CREB5: variants seen among roughly 807,000 people sequenced by gnomAD.
The protein encoded by CREB5 is cAMP responsive element binding protein 5.
In CREB5, 19 loss-of-function variants were observed where a neutral mutation model predicts 57.1. The observed-to-expected ratio is 0.33, with a 90% CI of 0.23 to 0.49. The LOEUF is 0.49. CREB5 is among the 20% of genes least tolerant of loss of function. The pLI is 0.99. For missense variants in CREB5, 579 were observed against 671.6 expected, an observed-to-expected ratio of 0.86 and a Z score of 1.52; for synonymous variants, 238 against 238.3, an observed-to-expected ratio of 1.00 and a Z score of 0.01.
Position 28,724,302 on chromosome 7 carries a change from G to T in CREB5, c.672G>T (p.Gln224His), listed in dbSNP as rs371517780. ...PNLSNPCASPQVQPMHSEAKM... is the reference protein window; with the variant it reads ...PNLSNPCASPHVQPMHSEAKM... The stretch of plus-strand genomic sequence containing the variant: ...TCAGCAACCCCTGTGCTTCTCCCCA[G>T]GTCCAGCCAATGCATTCAGAAGCCA... Residue 224 changes from glutamine to histidine, a missense_variant, in exon 7 of 11, where the codon CAG (glutamine) becomes CAT (histidine). Around this residue, in one of 3 missense-constraint regions of CREB5, gnomAD observed 459 missense variants for 515.7 expected, o/e 0.89. Coordinates refer to ENST00000357727, the MANE Select transcript of CREB5 (RefSeq NM_182898.4). The T allele has an allele frequency of 3.4e-5, 55 of 1,613,650 alleles. No homozygotes were observed. Among genetic ancestry groups the T allele is most frequent in the Non-Finnish European group, 4.4e-5 (52 of 1,179,838 alleles).
intron 5 of CREB5, among the ~76,000 whole-genome samples, chr7:28,657,035 A>C (rs1319313862): frequency 6.6e-6 from 1 of 152,146 alleles, no homozygotes. Flanking sequence ...ATTTCAAGTG[A>C]TTAGGTGCAT....
chr7:28,738,889 C>T (rs1804184732), intron 7 of CREB5, among the ~76,000 whole-genome samples: 1 of 152,170 alleles, frequency 6.6e-6, no homozygotes, highest in South Asian at 2.1e-4. Flanking sequence ...ATTCATTCAT[C>T]CTTTTCCTCC....
At chr7:28,365,594 T>C (rs1786570599) in intron 1 of CREB5, among the ~76,000 whole-genome samples, 2 of 152,178 alleles carry the variant, frequency 1.3e-5, no homozygotes, top group South Asian at 4.1e-4. Flanking sequence ...TTATTGAAAG[T>C]TGTTCTTACT....
At chr7:28,631,152 C>G (rs559647053) in intron 5 of CREB5, among the ~76,000 whole-genome samples, 1 of 152,252 alleles carries the variant, frequency 6.6e-6, no homozygotes, top group South Asian at 2.1e-4. Flanking sequence ...GCCATTGATT[C>G]TTCTTCTCTG....
intron 1 of CREB5, among the ~76,000 whole-genome samples, chr7:28,426,851 C>T (rs1016763770): frequency 1.3e-5 from 2 of 152,166 alleles, no homozygotes; most frequent in African/African-American, 2.4e-5. Context: ...CTTCTTTCAT[C>T]GAATTAGCAT....
At chr7:28,428,812 C>T (rs1468016916) in intron 1 of CREB5, among the ~76,000 whole-genome samples, 2 of 152,156 alleles carry the variant, frequency 1.3e-5, no homozygotes, top group Non-Finnish European at 2.9e-5. Flanking sequence ...TCTCACAGCA[C>T]ACAGCCCTTT....
upstream of CREB5, among the ~76,000 whole-genome samples, chr7:28,408,502 C>G (rs571771201): frequency 4.6e-5 from 7 of 152,308 alleles, no homozygotes; most frequent in South Asian, 1.5e-3. Flanking sequence ...GCAGTCTGGC[C>G]CTGGCTCTGC....
At chr7:28,390,663 T>A (rs1310475017) in intron 1 of CREB5, among the ~76,000 whole-genome samples, 1 of 152,194 alleles carries the variant, frequency 6.6e-6, no homozygotes, top group Non-Finnish European at 1.5e-5. Context: ...CATCTCTGTA[T>A]AGCAGCATTT....
intron 1 of CREB5, among the ~76,000 whole-genome samples, chr7:28,339,361 A>ATG (rs1785888695): frequency 6.6e-6 from 1 of 152,194 alleles, no homozygotes; most frequent in Admixed American, 6.5e-5. Flanking sequence ...AAGCCCAGTA[A>ATG]CACTACGATT....
chr7:28,565,148 T>C (rs560962769), intron 4 of CREB5, among the ~76,000 whole-genome samples: 1 of 152,328 alleles, frequency 6.6e-6, no homozygotes, highest in African/African-American at 2.4e-5. Context: ...TTTGGAAACA[T>C]TTGAGCCAAA....
intron 1 of CREB5, among the ~76,000 whole-genome samples, chr7:28,396,484 A>G (rs536138667): frequency 1.3e-5 from 2 of 152,298 alleles, no homozygotes; most frequent in East Asian, 1.9e-4. Flanking sequence ...TATCAGTGTC[A>G]TTTAAAAATT....
chr7:28,494,878 C>G (rs1791955901), intron 2 of CREB5, 28 bp from the exon 3 acceptor site: 1 of 1,401,536 alleles, frequency 7.1e-7, no homozygotes, highest in Non-Finnish European at 9.4e-7. Context: ...CCTCTTCTCC[C>G]CTCCCTTTTT....
chr7:28,634,110 T>G (rs965178599), intron 5 of CREB5, among the ~76,000 whole-genome samples: 10 of 152,224 alleles, frequency 6.6e-5, no homozygotes, highest in African/African-American at 2.4e-4. Context: ...TTCCTAAGTG[T>G]GATCTTGGTC....
intron 5 of CREB5, among the ~76,000 whole-genome samples, chr7:28,665,869 C>A (rs1799803977): frequency 6.6e-6 from 1 of 151,900 alleles, no homozygotes; most frequent in Admixed American, 6.6e-5. Flanking sequence ...TTAACTTACG[C>A]AAGTAGAATT....
At chr7:28,810,629 G>C (rs1809058818) in intron 9 of CREB5, among the ~76,000 whole-genome samples, 1 of 152,148 alleles carries the variant, frequency 6.6e-6, no homozygotes, top group Non-Finnish European at 1.5e-5. Context: ...GCAGGAGGGA[G>C]AGGCTGTAGT....
intron 5 of CREB5, among the ~76,000 whole-genome samples, chr7:28,594,670 A>G (rs1216883243): frequency 1.3e-5 from 2 of 152,348 alleles, no homozygotes; most frequent in South Asian, 2.1e-4. Context: ...TAAATGGGGA[A>G]TGGAGCAAGG....
intron 5 of CREB5, among the ~76,000 whole-genome samples, chr7:28,696,148 C>T (rs1335558886): frequency 2.6e-5 from 4 of 152,200 alleles, no homozygotes; most frequent in African/African-American, 7.2e-5. Flanking sequence ...CCGTACCATT[C>T]GGCTGCCTGG....
intron 1 of CREB5, among the ~76,000 whole-genome samples, chr7:28,359,656 C>G (rs979717949): frequency 6.6e-6 from 1 of 152,068 alleles, no homozygotes; most frequent in African/African-American, 2.4e-5. Context: ...CAACACTGGT[C>G]TAGGCAATGA....
chr7:28,479,518 A>G (rs556999188), intron 1 of CREB5, among the ~76,000 whole-genome samples: 1 of 152,268 alleles, frequency 6.6e-6, no homozygotes, highest in South Asian at 2.1e-4. Flanking sequence ...TTGCCTTAAC[A>G]TGGCCTTTAA....
Sources: allele counts gnomAD v4.1 joint callset (sites outside exome capture counted in the v4.1 genomes callset), GRCh38; gene constraint gnomAD v4.1.1; regional missense constraint gnomAD v4.1.1; transcripts MANE v1.5; gene names NCBI Gene and HGNC (gene_info 2026-07-23, HGNC 2026-07-21).